Variants in PARN observed in about 807,000 individuals in gnomAD.
PARN encodes the protein poly(A)-specific ribonuclease.
PARN carries 71 observed loss-of-function variants against 102.8 expected under a neutral mutation model. The observed-to-expected ratio is 0.69, with a 90% CI of 0.57 to 0.84. PARN has a LOEUF of 0.84. Among genes scored for constraint, PARN ranks in the 40% least tolerant of loss-of-function variants. The pLI is 0.00. For missense variants in PARN, 782 were observed against 760.9 expected, an observed-to-expected ratio of 1.03 and a Z score of -0.33; for synonymous variants, 261 against 252.9, an observed-to-expected ratio of 1.03 and a Z score of -0.30.
At chr16:14,627,446 A>G (rs1972746070) in intron 3 of PARN, 110 bp from the exon 4 acceptor site, 1 of 712,896 alleles carries the variant, frequency 1.4e-6, no homozygotes, top group South Asian at 1.5e-5. Flanking sequence ...CTTCAGCAGA[A>G]TACTTCCAAT....
chr16:14,454,460 T>C (rs1017296199), intron 22 of PARN, among the ~76,000 whole-genome samples: 13 of 152,272 alleles, frequency 8.5e-5, no homozygotes, highest in Admixed American at 8.5e-4. Flanking sequence ...CATGCTTTTG[T>C]TGTCATATCT....
Position 14,630,152 on chromosome 16 carries a change from C to A in PARN, c.-27G>T. The A allele has an allele frequency of 6.4e-7, 1 of 1,551,154 alleles. No individual in the cohort carries two copies. Among genetic ancestry groups the A allele is most frequent in the Middle Eastern group, 1.7e-4 (1 of 5,910 alleles). On this transcript the variant is annotated 5_prime_UTR_variant, in exon 1 of 24. Coordinates refer to ENST00000437198, the MANE Select transcript of PARN (RefSeq NM_002582.4). The stretch of plus-strand genomic sequence containing the variant: ...CTGCAGAGTGGCCGGAACCTTGGCC[C>A]CACCCGGGCCCGCGCCCGCCTCAGC...
intron 18 of PARN, among the ~76,000 whole-genome samples, chr16:14,571,167 T>A (rs189617278): frequency 1.3e-5 from 2 of 152,174 alleles, no homozygotes; most frequent in East Asian, 3.9e-4. Flanking sequence ...GTGGTTCACT[T>A]GAGGTCAGGA....
At chr16:14,541,696 C>G (rs1038874130) in intron 21 of PARN, among the ~76,000 whole-genome samples, 1 of 152,068 alleles carries the variant, frequency 6.6e-6, no homozygotes, top group African/African-American at 2.4e-5. Context: ...AGGCTGGTCT[C>G]AAACTCCTGA....
intron 6 of PARN, among the ~76,000 whole-genome samples, chr16:14,612,433 CA>C (rs1165456884): frequency 2.1e-5 from 3 of 145,056 alleles, no homozygotes; most frequent in Admixed American, 6.9e-5. Flanking sequence ...GACACTGTCT[CA>C]AAAAAAAATA....
intron 23 of PARN, among the ~76,000 whole-genome samples, chr16:14,443,856 TG>T (rs202243083): frequency 0.035 from 5,376 of 152,222 alleles, 132 homozygotes; most frequent in Non-Finnish European, 0.05. Flanking sequence ...CCTGCTGAGA[TG>T]CTTTTCTGAG....
At chr16:14,570,321 CAAAAAAAAAAAAAAA>C (rs59965954) in intron 18 of PARN, among the ~76,000 whole-genome samples, 2 of 63,082 alleles carry the variant, frequency 3.2e-5, no homozygotes, top group Non-Finnish European at 2.6e-5. Flanking sequence ...GACTCTGTCT[CAAAAAAAAAAAAAAA>C]AAAAAAAAAA....
At position 14,629,661 on chromosome 16, in the gene PARN, A is replaced by T. The variant is rs1972907118; in HGVS notation, c.33T>A (p.Asn11Lys). The change falls in exon 2 of 24, where the codon AAT becomes AAA. Residue 11 changes from asparagine (N) to lysine (K), a missense_variant. Asn to Lys is a moderately conservative substitution (Grantham distance 94). Transcript: ENST00000437198. ...CTATGGCCTGGTACACTTTGTGAAG[A>T]TTACTCTTAAAATCTGCGGAGAAAC... Reference protein sequence around the residue: MEIIRSNFKSNLHKVYQAIEE... With the variant: MEIIRSNFKSKLHKVYQAIEE... 6.2e-7 allele frequency: 1 copy of T among 1,612,718 alleles called. No homozygotes were observed. The highest frequency in any genetic ancestry group is 1.3e-5 in the African/African-American group (1 of 74,914).
chr16:14,508,200 A>G (rs986135530), intron 21 of PARN, among the ~76,000 whole-genome samples: 9 of 148,016 alleles, frequency 6.1e-5, no homozygotes, highest in Non-Finnish European at 1.4e-4. Flanking sequence ...AGATAGATAG[A>G]TAGATAGATA....
chr16:14,620,376 CAAAAACA>C (rs914573304), intron 5 of PARN, among the ~76,000 whole-genome samples: 11 of 152,036 alleles, frequency 7.2e-5, no homozygotes, highest in Non-Finnish European at 1.0e-4. Flanking sequence ...GACTCCATCT[CAAAAACA>C]AAAAACAAAA....
At chr16:14,532,696 G>C (rs1310705784) in intron 21 of PARN, among the ~76,000 whole-genome samples, 3 of 151,656 alleles carry the variant, frequency 2.0e-5, no homozygotes, top group Admixed American at 1.3e-4. Flanking sequence ...CCTCCCAGAC[G>C]GGGGGGCGAC....
rs1482817527 is a variant in PARN, at chr16:14,548,487, T to A, written c.1480+3534A>T. Among the ~76,000 whole-genome samples, 4 of 152,226 alleles carry A rather than the reference T, an allele frequency of 2.6e-5. No homozygotes were observed. In the South Asian group the frequency reaches 6.2e-4, roughly 24 times the overall value. ...TGCAATTCAATAAATATTCAACATT[T>A]ACTTACTAATGTCAGACACTACCAC... On this transcript the variant is annotated intron_variant, in intron 21 of 23. Coordinates refer to ENST00000437198, the MANE Select transcript of PARN (RefSeq NM_002582.4).
chr16:14,598,524 C>A (rs1205172988), intron 12 of PARN, among the ~76,000 whole-genome samples: 1 of 152,214 alleles, frequency 6.6e-6, no homozygotes, highest in Non-Finnish European at 1.5e-5. Context: ...CTGAAGTCTG[C>A]TGGCTAGGTG....
chr16:14,473,413 C>T (rs931581149), intron 22 of PARN, among the ~76,000 whole-genome samples: 2 of 152,156 alleles, frequency 1.3e-5, no homozygotes, highest in African/African-American at 4.8e-5. Context: ...TTTGCTGTGG[C>T]GGCTAGACTA....
At chr16:14,609,734 G>C (rs1345715044) in intron 7 of PARN, among the ~76,000 whole-genome samples, 4 of 152,180 alleles carry the variant, frequency 2.6e-5, no homozygotes. Flanking sequence ...ACTAAGCTGA[G>C]CAAGACCAGA....
chr16:14,477,149 A>G (rs1389466565), intron 22 of PARN, among the ~76,000 whole-genome samples: 2 of 152,206 alleles, frequency 1.3e-5, no homozygotes, highest in Non-Finnish European at 2.9e-5. Flanking sequence ...CGCTAAGTAT[A>G]AGAAAATAGG....
At chr16:14,471,339 C>T (rs1330842283) in intron 22 of PARN, among the ~76,000 whole-genome samples, 1 of 152,036 alleles carries the variant, frequency 6.6e-6, no homozygotes, top group African/African-American at 2.4e-5. Context: ...AATGTGATAA[C>T]TCATATTATA....
chr16:14,501,913 G>T (rs1244633428), intron 21 of PARN, among the ~76,000 whole-genome samples: 2 of 152,196 alleles, frequency 1.3e-5, no homozygotes, highest in African/African-American at 4.8e-5. Context: ...GCCGTTTCTG[G>T]AAAGAGCACA....
At chr16:14,553,682 A>G (rs1967473008) in intron 20 of PARN, among the ~76,000 whole-genome samples, 2 of 152,202 alleles carry the variant, frequency 1.3e-5, no homozygotes, top group Admixed American at 1.3e-4. Flanking sequence ...ATCTACCCAA[A>G]CATCTGTCAC....
Sources: allele counts gnomAD v4.1 joint callset (sites outside exome capture counted in the v4.1 genomes callset), GRCh38; gene constraint gnomAD v4.1.1; transcripts MANE v1.5; gene names NCBI Gene and HGNC (gene_info 2026-07-23, HGNC 2026-07-21).